The following QTMAN variants were observed in gnomAD, a reference collection of about 807,000 sequenced individuals.
QTMAN encodes the protein tRNA-queuosine alpha-mannosyltransferase.
At chr2:144,180,005 T>C in the QTMAN span, among the ~76,000 whole-genome samples, 11 of 152,214 alleles carry the variant, frequency 7.2e-5, no homozygotes, top group African/African-American at 2.7e-4. Flanking sequence ...ACTGTTCTCA[T>C]TCACAAGAAC....
chr2:143,958,202 T>A, the QTMAN span, among the ~76,000 whole-genome samples: 1 of 152,120 alleles, frequency 6.6e-6, no homozygotes, highest in Non-Finnish European at 1.5e-5. Flanking sequence ...AAATATTTCA[T>A]GTGTCATCTA....
At chr2:144,170,895 G>A in the QTMAN span, among the ~76,000 whole-genome samples, 1 of 152,026 alleles carries the variant, frequency 6.6e-6, no homozygotes, top group Non-Finnish European at 1.5e-5. Context: ...CCTTTCAAAA[G>A]TTTCCATGAC....
chr2:144,153,045 C>A, the QTMAN span, among the ~76,000 whole-genome samples: 1 of 152,080 alleles, frequency 6.6e-6, no homozygotes, highest in African/African-American at 2.4e-5. Flanking sequence ...CCTGAGTTCT[C>A]GGGACTAAAA....
chr2:144,141,544 T>C, the QTMAN span, among the ~76,000 whole-genome samples: 5 of 148,076 alleles, frequency 3.4e-5, no homozygotes. Flanking sequence ...GGGCATAAGC[T>C]GAATGCAAAG....
chr2:144,221,222 T>C, the QTMAN span, among the ~76,000 whole-genome samples: 3 of 152,186 alleles, frequency 2.0e-5, no homozygotes, highest in African/African-American at 7.2e-5. Context: ...TTCATCATAA[T>C]ACAAAAAGCT....
chr2:144,282,047 T>C, the QTMAN span, among the ~76,000 whole-genome samples: 2 of 152,172 alleles, frequency 1.3e-5, no homozygotes, highest in African/African-American at 4.8e-5. Context: ...TTCTATTCAC[T>C]AGGTCAGGAG....
the QTMAN span, among the ~76,000 whole-genome samples, chr2:144,127,736 T>C: frequency 3.9e-5 from 6 of 151,996 alleles, no homozygotes; most frequent in African/African-American, 1.2e-4. Flanking sequence ...TGATCCTCAC[T>C]TGATCTCTAG....
the QTMAN span, among the ~76,000 whole-genome samples, chr2:144,328,579 C>T: frequency 6.6e-6 from 1 of 152,112 alleles, no homozygotes; most frequent in African/African-American, 2.4e-5. Context: ...AGATCCTTCC[C>T]GTTGTAGGTG....
chr2:144,262,243 G>T, the QTMAN span, among the ~76,000 whole-genome samples: 1 of 152,112 alleles, frequency 6.6e-6, no homozygotes, highest in Non-Finnish European at 1.5e-5. Context: ...AATGGAAGAT[G>T]GCTGCTGGAG....
chr2:144,283,073 T>C, the QTMAN span, among the ~76,000 whole-genome samples: 1 of 152,230 alleles, frequency 6.6e-6, no homozygotes, highest in Non-Finnish European at 1.5e-5. Flanking sequence ...CGTTCATTTG[T>C]ATCCTTTATC....
chr2:144,153,486 G>A, the QTMAN span, among the ~76,000 whole-genome samples: 1 of 152,042 alleles, frequency 6.6e-6, no homozygotes, highest in African/African-American at 2.4e-5. Flanking sequence ...GAGGCGGGCG[G>A]ATCACGAGGT....
At chr2:143,985,127 T>C in the QTMAN span, among the ~76,000 whole-genome samples, 1 of 152,200 alleles carries the variant, frequency 6.6e-6, no homozygotes, top group Admixed American at 6.5e-5. Context: ...AAGAGCATTG[T>C]AACATGCTTG....
the QTMAN span, among the ~76,000 whole-genome samples, chr2:144,141,599 A>AAAAG: frequency 2.2e-4 from 33 of 150,596 alleles, no homozygotes; most frequent in Non-Finnish European, 3.7e-4. Flanking sequence ...AAAAAAAAAA[A>AAAAG]AAAGAAAGAA....
the QTMAN span, among the ~76,000 whole-genome samples, chr2:143,980,840 T>C: frequency 6.6e-6 from 1 of 152,216 alleles, no homozygotes; most frequent in Admixed American, 6.5e-5. Flanking sequence ...TTTCCTTCGA[T>C]ATCTCTTAAC....
chr2:144,320,019 C>A, the QTMAN span: 1 of 152,208 alleles, frequency 6.6e-6, no homozygotes, highest in Non-Finnish European at 1.5e-5. Flanking sequence ...GGCATGCAAC[C>A]TGTTCTTGTA....
At chr2:144,063,014 C>T in the QTMAN span, among the ~76,000 whole-genome samples, 1 of 152,090 alleles carries the variant, frequency 6.6e-6, no homozygotes, top group Non-Finnish European at 1.5e-5. Flanking sequence ...GTAATTGATT[C>T]AGAGATGTTT....
the QTMAN span, among the ~76,000 whole-genome samples, chr2:144,045,249 G>C: frequency 6.6e-6 from 1 of 152,166 alleles, no homozygotes; most frequent in African/African-American, 2.4e-5. Flanking sequence ...GGAGAGGATG[G>C]CATTTCAGGA....
At chr2:144,266,187 G>A in the QTMAN span, among the ~76,000 whole-genome samples, 1 of 152,302 alleles carries the variant, frequency 6.6e-6, no homozygotes, top group South Asian at 2.1e-4. Context: ...GAAAATGATG[G>A]AAAGGAAACT....
At chr2:143,980,207 C>T in the QTMAN span, among the ~76,000 whole-genome samples, 2 of 151,952 alleles carry the variant, frequency 1.3e-5, no homozygotes, top group African/African-American at 4.8e-5. Context: ...CTCTGACAGG[C>T]CCCAGTGTGT....
Sources: gnomAD v4.1 joint callset for allele counts (sites outside exome capture counted in the v4.1 genomes callset) on GRCh38, gnomAD v4.1.1 for gene constraint, MANE v1.5 for transcripts, NCBI Gene and HGNC (gene_info 2026-07-23, HGNC 2026-07-21) for gene names.